The following DIPK1C variants were observed in gnomAD, a reference collection of about 807,000 sequenced individuals.
DIPK1C encodes divergent protein kinase domain 1C.
A neutral mutation model predicts 28.0 loss-of-function variants in DIPK1C; 33 were observed. The ratio of observed to expected loss-of-function variants is 1.18; its 90% confidence interval spans 0.89 to 1.58. The LOEUF is 1.58. Ranked by LOEUF, DIPK1C falls within the 40% of genes most tolerant of loss-of-function variation. The pLI is 0.00. For synonymous variants in DIPK1C, 255 were observed against 248.8 expected (o/e 1.02, Z -0.23); for missense variants, 569 against 568.5 (o/e 1.00, Z -0.01).
intron 2 of DIPK1C, 129 bp downstream of exon 2, chr18:74,446,477 C>G: frequency 1.1e-6 from 1 of 884,174 alleles, no homozygotes. Flanking sequence ...GGTGGGAGTT[C>G]TCTAAGGCTG....
chr18:74,437,707 A>G (rs1332855830), intron 3 of DIPK1C, among the ~76,000 whole-genome samples: 1 of 152,174 alleles, frequency 6.6e-6, no homozygotes, highest in Non-Finnish European at 1.5e-5. Flanking sequence ...AAAATTTAAA[A>G]TGTTCTTAAG....
At position 74,435,969 on chromosome 18, in the gene DIPK1C, A is replaced by T. The variant is rs1985979381; in HGVS notation, c.*532T>A. On this transcript the variant is annotated 3_prime_UTR_variant, in exon 4 of 4. Transcript: ENST00000343998. The stretch of plus-strand genomic sequence containing the variant: ...CTCATTCACACTCATACATATTCAC[A>T]CTCAGGCATACTCATACTCCTCATG... 1 of 163,832 alleles carries T rather than the reference A, an allele frequency of 6.1e-6. No homozygotes were observed. The highest frequency in any genetic ancestry group is 1.3e-5 in the Non-Finnish European group (1 of 74,870). The allele number at this position is 163,832 out of a possible 1,614,324, so 10.1% of individuals were successfully genotyped here. A position where few individuals can be genotyped will look rare whatever the true frequency, so the allele number is the denominator to read the frequency against.
upstream of DIPK1C, among the ~76,000 whole-genome samples, chr18:74,458,501 G>T (rs1282022054): frequency 6.6e-6 from 1 of 152,064 alleles, no homozygotes; most frequent in African/African-American, 2.4e-5. Context: ...TGGCTCGGTG[G>T]TAGGAGTCCC....
intron 1 of DIPK1C, among the ~76,000 whole-genome samples, chr18:74,450,901 G>A (rs999295053): frequency 1.1e-4 from 17 of 152,360 alleles, no homozygotes; most frequent in African/African-American, 4.1e-4. Flanking sequence ...CTCTGCCCCT[G>A]GCTTGCTGTG....
At chr18:74,451,991 C>T (rs117116303) in intron 1 of DIPK1C, among the ~76,000 whole-genome samples, 1,573 of 152,282 alleles carry the variant, frequency 0.01, 28 homozygotes, top group South Asian at 0.072. Flanking sequence ...AGAACACTTA[C>T]GTCAGCCTAT....
chr18:74,442,505 A>ATT (rs577921470), intron 2 of DIPK1C, among the ~76,000 whole-genome samples: 130 of 147,168 alleles, frequency 8.8e-4, no homozygotes, highest in Non-Finnish European at 2.5e-4. Flanking sequence ...ATTTTTTTGT[A>ATT]TTTTTAGTAG....
Position 74,446,743 on chromosome 18 carries a change from C to A in DIPK1C, c.739G>T (p.Gly247Cys). 1 of 1,535,750 alleles carries A rather than the reference C, an allele frequency of 6.5e-7. No homozygotes were observed. The highest frequency in any genetic ancestry group is 8.8e-7 in the Non-Finnish European group (1 of 1,139,118). ...PLDRAPGAPG[G>C]GQAKAISDIA... ...TCACTGATGGCCTTGGCCTGGCCAC[C>A]CCCAGGGGCACCTGGGGCCCGGTCC... Residue 247 changes from glycine (G) to cysteine (C), a missense_variant, in exon 2 of 4, where the codon GGT becomes TGT. Transcript: ENST00000343998.
At chr18:74,440,409 C>T (rs190390101) in intron 3 of DIPK1C, among the ~76,000 whole-genome samples, 1 of 152,198 alleles carries the variant, frequency 6.6e-6, no homozygotes, top group Non-Finnish European at 1.5e-5. Context: ...CACATCCCCT[C>T]AAGAGAGAAG....
At chr18:74,449,657 C>A (rs17089311) in intron 1 of DIPK1C, among the ~76,000 whole-genome samples, 6,549 of 152,162 alleles carry the variant, frequency 0.043, 316 homozygotes, top group East Asian at 0.11. Flanking sequence ...CAATGATGCA[C>A]GCGAGACAGG....
At chr18:74,441,872 C>T in intron 3 of DIPK1C, 80 bp downstream of exon 3, 1 of 1,476,154 alleles carries the variant, frequency 6.8e-7, no homozygotes, top group Non-Finnish European at 9.3e-7. Context: ...TTGAGCTCCA[C>T]TGAGGGTATC....
chr18:74,451,123 G>A (rs942650092), intron 1 of DIPK1C, among the ~76,000 whole-genome samples: 1 of 152,160 alleles, frequency 6.6e-6, no homozygotes, highest in Admixed American at 6.5e-5. Flanking sequence ...AAGCGAATTA[G>A]AAGTCTGCCT....
At chr18:74,437,190 G>C (rs1233023548) in intron 3 of DIPK1C, among the ~76,000 whole-genome samples, 1 of 152,150 alleles carries the variant, frequency 6.6e-6, no homozygotes, top group Non-Finnish European at 1.5e-5. Flanking sequence ...CATCTGACCG[G>C]GCTGTCCAGA....
chr18:74,457,269 T>TGCCCGCGCCCGGGCCCCACCGCC lies in DIPK1C; in HGVS notation c.-33_-11dup. ...CCGCCGCCCGCGCCATGGCCAGCCC[T>TGCCCGCGCCCGGGCCCCACCGCC]GCCCGCGCCCGGGCCCCACCGCCGC... On this transcript the variant is annotated 5_prime_UTR_variant, in exon 1 of 4. Coordinates refer to ENST00000343998, the MANE Select transcript of DIPK1C (RefSeq NM_001044369.3). 1 of 988,372 alleles carries TGCCCGCGCCCGGGCCCCACCGCC rather than the reference T, an allele frequency of 1.0e-6. No homozygotes were observed. The highest frequency in any genetic ancestry group is 1.2e-6 in the Non-Finnish European group (1 of 833,370). 61.2% of individuals were successfully genotyped at this position (988,372 alleles called of 1,614,324 possible). A position where few individuals can be genotyped will look rare whatever the true frequency, so the allele number is the denominator to read the frequency against.
chr18:74,445,361 C>T (rs1050273512), intron 2 of DIPK1C, among the ~76,000 whole-genome samples: 3 of 152,352 alleles, frequency 2.0e-5, no homozygotes, highest in African/African-American at 7.2e-5. Flanking sequence ...TAGTTATTTC[C>T]TTGCCACACT....
intron 2 of DIPK1C, 60 bp from the exon 3 acceptor site, chr18:74,442,176 G>T (rs889959400): frequency 6.3e-7 from 1 of 1,593,198 alleles, no homozygotes. Context: ...CAGAGAGGGA[G>T]CCTGTTCACA....
chr18:74,463,741 G>A, the DIPK1C span, among the ~76,000 whole-genome samples: 147 of 152,254 alleles, frequency 9.7e-4, 1 homozygote, highest in African/African-American at 3.2e-3. Context: ...TGACATCCTA[G>A]GATTTGTCAT....
intron 3 of DIPK1C, among the ~76,000 whole-genome samples, chr18:74,441,205 G>A (rs564346493): frequency 7.8e-4 from 119 of 152,284 alleles, no homozygotes; most frequent in Non-Finnish European, 1.0e-3. Flanking sequence ...CTAGGGGAGC[G>A]GGTTGGATAG....
chr18:74,439,806 C>T (rs780084816), intron 3 of DIPK1C, among the ~76,000 whole-genome samples: 2 of 151,814 alleles, frequency 1.3e-5, no homozygotes, highest in Non-Finnish European at 2.9e-5. Flanking sequence ...GGTGATGAAG[C>T]GAACCCTGTC....
In DIPK1C at chr18:74,434,934, G is replaced by A. The variant is rs907784181; in HGVS notation, c.*1567C>T. The A allele has an allele frequency of 6.6e-6, 1 of 152,232 alleles. No individual in the cohort carries two copies. Among genetic ancestry groups the A allele is most frequent in the Non-Finnish European group, 1.5e-5 (1 of 68,062 alleles). 9.4% of individuals were successfully genotyped at this position (152,232 alleles called of 1,614,324 possible). On this transcript the variant is annotated 3_prime_UTR_variant, in exon 4 of 4. Transcript: ENST00000343998. ...CATTTGGAAGATCCCCAGTGGTGAT[G>A]GGTAAGAATAACAGCTGGCAGTGGG...
Sources: allele counts gnomAD v4.1 joint callset (sites outside exome capture counted in the v4.1 genomes callset), GRCh38; gene constraint gnomAD v4.1.1; transcripts MANE v1.5; gene names NCBI Gene and HGNC (gene_info 2026-07-23, HGNC 2026-07-21).